Variants in COL24A1 observed in about 807,000 individuals in gnomAD.
The protein encoded by COL24A1 is collagen type XXIV alpha 1 chain.
Under a neutral mutation model 253.9 loss-of-function variants are expected in COL24A1, and 224 were observed. The observed-to-expected ratio is 0.88, with a 90% CI of 0.79 to 0.99. COL24A1 has a LOEUF of 0.99. Ranked by LOEUF, COL24A1 falls within the 50% of genes least tolerant of loss-of-function variation. The pLI, the probability that COL24A1 is intolerant of heterozygous loss-of-function variation, is 0.00. For missense variants in COL24A1, 2,131 were observed against 2,068.5 expected (o/e 1.03, Z -0.59); for synonymous variants, 685 against 673.7 (o/e 1.02, Z -0.26).
At chr1:85,997,031 A>T (rs12030161) in intron 19 of COL24A1, among the ~76,000 whole-genome samples, 1 of 110,480 alleles carries the variant, frequency 9.1e-6, no homozygotes. Flanking sequence ...GTGTGTGTAT[A>T]TATATATATA....
chr1:86,156,247 C>T, intron 1 of COL24A1, 94 bp downstream of exon 1: 4 of 1,243,268 alleles, frequency 3.2e-6, no homozygotes, highest in Non-Finnish European at 4.5e-6. Flanking sequence ...TGCCAAGGAG[C>T]CGGACTTCAG....
intron 7 of COL24A1, among the ~76,000 whole-genome samples, chr1:86,075,033 C>T (rs962618021): frequency 3.3e-5 from 5 of 151,814 alleles, no homozygotes; most frequent in Admixed American, 2.0e-4. Context: ...CAAGAAATAA[C>T]TAAGATCAGA....
rs1281797687 is a variant in COL24A1 at position 85,757,862 on chromosome 1, G to A, written c.4437+3534C>T. Among the ~76,000 whole-genome samples the A allele has an allele frequency of 2.0e-5, 3 of 152,284 alleles. No homozygotes were observed. In the East Asian group the frequency reaches 5.8e-4, roughly 29 times the overall value. On this transcript the variant is annotated intron_variant, in intron 55 of 59. Transcript: ENST00000370571. ...GTATAAATCTCTCATTAAGTGCAGT[G>A]AGGGGATCAAATAAGGAAAAATAAC...
rs1669415317 is a variant in COL24A1 at position 85,784,102 on chromosome 1, T to A, written c.4221+11A>T. 1 of 1,605,318 alleles carries A rather than the reference T, an allele frequency of 6.2e-7. No homozygotes were observed. The highest frequency in any genetic ancestry group is 1.3e-5 in the African/African-American group (1 of 74,626). Reference sequence around the variant, plus strand: ...ATAGCTAGAAGACTAGAAGAAAGTATGTAAACATACTTTAGGGCCTGGGAA... The same window carrying A: ...ATAGCTAGAAGACTAGAAGAAAGTAAGTAAACATACTTTAGGGCCTGGGAA... On this transcript the variant is annotated intron_variant, in intron 50 of 59. Coordinates refer to ENST00000370571, the MANE Select transcript of COL24A1 (RefSeq NM_152890.7).
intron 47 of COL24A1, among the ~76,000 whole-genome samples, chr1:85,795,826 CA>C (rs1192797257): frequency 6.6e-6 from 1 of 151,952 alleles, no homozygotes; most frequent in Non-Finnish European, 1.5e-5. Context: ...CTTAAGCCAG[CA>C]AACCCAGAAG....
intron 18 of COL24A1, among the ~76,000 whole-genome samples, chr1:86,018,300 C>T (rs1697182368): frequency 6.6e-6 from 1 of 152,154 alleles, no homozygotes; most frequent in Admixed American, 6.5e-5. Context: ...TAAAACAGGA[C>T]ACCATAAACT....
chr1:85,991,680 G>C (rs997128057), intron 19 of COL24A1, among the ~76,000 whole-genome samples: 1 of 152,148 alleles, frequency 6.6e-6, no homozygotes, highest in Non-Finnish European at 1.5e-5. Flanking sequence ...GTGAATCTCT[G>C]CTCCTTAAAA....
chr1:86,031,259 T>C lies in COL24A1; in HGVS notation c.2049+619A>G, dbSNP rs996604048. Among the ~76,000 whole-genome samples, 6 of 151,606 alleles carry C rather than the reference T, an allele frequency of 4.0e-5. No homozygotes were observed. The East Asian group carries it at 1.2e-3, about 29-fold the overall frequency. ...GCTAAATATATGAGAAGGGTAGGAG[T>C]GGGGGTTATAAAAGGTATGATAAAT... On this transcript the variant is annotated intron_variant, in intron 14 of 59. Transcript: ENST00000370571.
intron 52 of COL24A1, among the ~76,000 whole-genome samples, chr1:85,777,650 A>T (rs1210973196): frequency 1.3e-5 from 2 of 152,148 alleles, no homozygotes; most frequent in Non-Finnish European, 2.9e-5. Context: ...TCATTAGTGT[A>T]TTGGGTGCTT....
chr1:85,830,461 T>G (rs1486012466), intron 43 of COL24A1, among the ~76,000 whole-genome samples: 1 of 152,126 alleles, frequency 6.6e-6, no homozygotes. Flanking sequence ...CAGTTTGAGC[T>G]TCCCGGCTGC....
intron 47 of COL24A1, among the ~76,000 whole-genome samples, chr1:85,794,650 T>C (rs1203695372): frequency 6.6e-6 from 1 of 152,220 alleles, no homozygotes; most frequent in Non-Finnish European, 1.5e-5. Flanking sequence ...TAATTTTGTT[T>C]GCAAGAGAAA....
At position 85,761,381 on chromosome 1, in the gene COL24A1, A is replaced by C. The variant is rs781001326; in HGVS notation, c.4437+15T>G. 1.2e-6 allele frequency: 2 copies of C among 1,613,794 alleles called. No individual in the cohort carries two copies. The highest frequency in any genetic ancestry group is 1.7e-6 in the Non-Finnish European group (2 of 1,179,838). On this transcript the variant is annotated intron_variant, in intron 55 of 59. Coordinates refer to ENST00000370571, the MANE Select transcript of COL24A1 (RefSeq NM_152890.7). ...CTAAGATAAAACAAAACAAAATCAA[A>C]CCAAGCAAACTTACTCTTGGGCCTG...
intron 47 of COL24A1, among the ~76,000 whole-genome samples, chr1:85,801,156 C>T (rs1671386167): frequency 6.6e-6 from 1 of 152,156 alleles, no homozygotes; most frequent in Admixed American, 6.5e-5. Context: ...TCTTTTTCCT[C>T]CTGTATCTGA....
chr1:85,974,242 T>C (rs1358891202), intron 20 of COL24A1, among the ~76,000 whole-genome samples: 1 of 152,112 alleles, frequency 6.6e-6, no homozygotes, highest in Non-Finnish European at 1.5e-5. Context: ...AGTGGTCATC[T>C]ATAGAATACT....
At chr1:86,128,310 T>A (rs1648630865) in intron 2 of COL24A1, among the ~76,000 whole-genome samples, 2 of 151,998 alleles carry the variant, frequency 1.3e-5, no homozygotes, top group South Asian at 4.1e-4. Context: ...TGTTAGTCTG[T>A]GACATTGGAT....
At chr1:85,870,887 C>CA (rs1024394000) in intron 35 of COL24A1, among the ~76,000 whole-genome samples, 31 of 152,026 alleles carry the variant, frequency 2.0e-4, no homozygotes, top group African/African-American at 7.5e-4. Flanking sequence ...AAAAACCCTT[C>CA]AAAAAATCAA....
At chr1:85,854,144 G>A (rs1221624464) in intron 37 of COL24A1, among the ~76,000 whole-genome samples, 2 of 152,138 alleles carry the variant, frequency 1.3e-5, no homozygotes, top group Non-Finnish European at 2.9e-5. Flanking sequence ...TTTTGCATGT[G>A]GTAAAAGGTA....
chr1:85,809,100 T>C (rs1570705378), intron 47 of COL24A1, among the ~76,000 whole-genome samples: 1 of 152,156 alleles, frequency 6.6e-6, no homozygotes, highest in East Asian at 1.9e-4. Context: ...AGTGATGTTA[T>C]CTATAGAAGC....
chr1:85,742,171 T>C (rs1279564729), intron 57 of COL24A1, among the ~76,000 whole-genome samples: 1 of 149,748 alleles, frequency 6.7e-6, no homozygotes, highest in Non-Finnish European at 1.5e-5. Context: ...TCTCACTCTG[T>C]GGCCAGGCTG....
Sources: allele counts gnomAD v4.1 joint callset (sites outside exome capture counted in the v4.1 genomes callset), GRCh38; gene constraint gnomAD v4.1.1; transcripts MANE v1.5; gene names NCBI Gene and HGNC (gene_info 2026-07-23, HGNC 2026-07-21).